The following GRIK4 variants were observed in gnomAD, a reference collection of about 807,000 sequenced individuals.
GRIK4 encodes the protein glutamate ionotropic receptor kainate type subunit 4, also known as glutamate receptor ionotropic, kainate 4.
GRIK4 carries 40 observed loss-of-function variants against 104.9 expected under a neutral mutation model. The ratio of observed to expected loss-of-function variants is 0.38; its 90% confidence interval spans 0.30 to 0.50. The LOEUF is 0.50. Among genes scored for constraint, GRIK4 ranks in the 20% least tolerant of loss-of-function variants. The pLI is 0.93. For synonymous variants in GRIK4, 485 were observed against 524.9 expected (o/e 0.92, Z 1.04); for missense variants, 1,047 against 1,308.1 (o/e 0.80, Z 3.08).
At chr11:120,648,764 G>C (rs936292829) in intron 1 of GRIK4, among the ~76,000 whole-genome samples, 4 of 152,190 alleles carry the variant, frequency 2.6e-5, no homozygotes, top group Admixed American at 2.6e-4. Context: ...AGAGAGTCAG[G>C]ATTCTTTATT....
chr11:120,923,404 ATTT>A (rs775194642), intron 13 of GRIK4, among the ~76,000 whole-genome samples: 48 of 81,642 alleles, frequency 5.9e-4, no homozygotes, highest in African/African-American at 1.2e-3. Flanking sequence ...CCATTTGCTC[ATTT>A]TTTTTTTTTT....
intron 1 of GRIK4, among the ~76,000 whole-genome samples, chr11:120,633,252 C>T (rs1240711312): frequency 2.0e-5 from 3 of 152,148 alleles, no homozygotes; most frequent in Non-Finnish European, 4.4e-5. Context: ...ATTTAAAGTA[C>T]TTAAATGGCC....
Position 120,572,194 on chromosome 11 carries a change from CCTT to C in GRIK4, c.-159+60311_-159+60313del, listed in dbSNP as rs1349385121. ...GTGTCTCTTTGAGAGGCACGAGTCT[CCTT>C]CTTGAGGGCTCCACCCTCCTGATCT... On this transcript the variant is annotated intron_variant, in intron 1 of 20. Coordinates refer to ENST00000527524, the MANE Select transcript of GRIK4 (RefSeq NM_014619.5). Among the ~76,000 whole-genome samples, 13 of 152,224 alleles carry C rather than the reference CCTT, an allele frequency of 8.5e-5. No individual in the cohort carries two copies. In the East Asian group the frequency reaches 2.5e-3, roughly 29 times the overall value.
intron 6 of GRIK4, among the ~76,000 whole-genome samples, chr11:120,824,243 AAG>A (rs1233571723): frequency 2.0e-5 from 3 of 152,314 alleles, no homozygotes; most frequent in African/African-American, 4.8e-5. Context: ...ATGGGAAAAA[AAG>A]AACATTTGCA....
chr11:120,864,991 G>A (rs990380830), intron 9 of GRIK4, among the ~76,000 whole-genome samples: 1 of 152,196 alleles, frequency 6.6e-6, no homozygotes, highest in African/African-American at 2.4e-5. Flanking sequence ...AATTATACCT[G>A]ACCATCTTAG....
chr11:120,796,457 C>G (rs1591925398), intron 3 of GRIK4, among the ~76,000 whole-genome samples: 2 of 152,196 alleles, frequency 1.3e-5, no homozygotes, highest in Non-Finnish European at 2.9e-5. Flanking sequence ...GATAAATACC[C>G]CTCCAAGGCA....
intron 8 of GRIK4, among the ~76,000 whole-genome samples, chr11:120,841,896 G>C (rs2135583023): frequency 6.6e-6 from 1 of 152,284 alleles, no homozygotes; most frequent in South Asian, 2.1e-4. Flanking sequence ...CTGAAGTTGA[G>C]AGTCCTGGTG....
intron 1 of GRIK4, among the ~76,000 whole-genome samples, chr11:120,520,461 G>A (rs1355588872): frequency 6.6e-6 from 1 of 152,220 alleles, no homozygotes; most frequent in African/African-American, 2.4e-5. Context: ...TTTCCACCAT[G>A]GAGGCCATCC....
intron 19 of GRIK4, among the ~76,000 whole-genome samples, chr11:120,979,476 C>G (rs477389): frequency 0.24 from 36,101 of 152,038 alleles, 4,532 homozygotes; most frequent in African/African-American, 0.31. Context: ...TGTGAGATGG[C>G]TCCTCCAAAT....
chr11:120,938,250 A>G (rs959463585), intron 13 of GRIK4, among the ~76,000 whole-genome samples: 9 of 152,162 alleles, frequency 5.9e-5, no homozygotes, highest in Non-Finnish European at 8.8e-5. Flanking sequence ...GAGTCCCCCA[A>G]ATGAAGGCAC....
intron 13 of GRIK4, among the ~76,000 whole-genome samples, chr11:120,927,580 AAAAAAAAAAG>A (rs1943378174): frequency 6.6e-6 from 1 of 150,854 alleles, no homozygotes; most frequent in African/African-American, 2.4e-5. Flanking sequence ...AAAAAAAAAA[AAAAAAAAAAG>A]AAAGAAAGAA....
chr11:120,557,397 C>T (rs10160371), intron 1 of GRIK4, among the ~76,000 whole-genome samples: 2,689 of 152,348 alleles, frequency 0.018, 75 homozygotes, highest in African/African-American at 0.06. Context: ...TCCTGTCCAC[C>T]GCAGCCTCTT....
chr11:120,702,907 C>T (rs1038289328), intron 3 of GRIK4, among the ~76,000 whole-genome samples: 2 of 152,218 alleles, frequency 1.3e-5, no homozygotes, highest in African/African-American at 2.4e-5. Flanking sequence ...AAGTTACCAG[C>T]ACACTTTTAA....
chr11:120,532,582 G>A lies in GRIK4; in HGVS notation c.-159+20695G>A, dbSNP rs11217905. Among the ~76,000 whole-genome samples the A allele has an allele frequency of 5.9e-3, 903 of 152,222 alleles. 3 individuals are homozygous for A. Among genetic ancestry groups the A allele is most frequent in the Non-Finnish European group, 9.5e-3 (644 of 68,004 alleles). On this transcript the variant is annotated intron_variant, in intron 1 of 20. Transcript: ENST00000527524. ...GCTGCTTAAATAGTTTGCTCGCTTT[G>A]CCTTGTTTTTCTTGCTCTAGTGTGG...
intron 3 of GRIK4, among the ~76,000 whole-genome samples, chr11:120,747,928 G>A (rs1004927177): frequency 1.1e-4 from 17 of 152,152 alleles, no homozygotes; most frequent in Admixed American, 1.1e-3. Context: ...TCAGGGTGAG[G>A]GCCGTGATGA....
At chr11:120,559,560 A>G (rs1271092956) in intron 1 of GRIK4, among the ~76,000 whole-genome samples, 1 of 152,232 alleles carries the variant, frequency 6.6e-6, no homozygotes, top group Non-Finnish European at 1.5e-5. Context: ...ATCCAAATGG[A>G]TATAAGAAAA....
rs1034975695 is a variant in GRIK4 at position 120,513,303 on chromosome 11, G to A, written c.-159+1416G>A. On this transcript the variant is annotated intron_variant, in intron 1 of 20. Transcript: ENST00000527524. This position sits in a 1 kb window ranked among gnomAD's most constrained non-coding sequence, Gnocchi z 4.5. Reference sequence around the variant, plus strand: ...ACTTCTAGGAGCACCGGGAAACTGCGGGCGTGGTATCTCCGGGGAGAGAGG... The same window carrying A: ...ACTTCTAGGAGCACCGGGAAACTGCAGGCGTGGTATCTCCGGGGAGAGAGG... Among the ~76,000 whole-genome samples the A allele has an allele frequency of 3.9e-5, 6 of 152,162 alleles. No individual in the cohort carries two copies. Among genetic ancestry groups the A allele is most frequent in the South Asian group, 2.1e-4 (1 of 4,828 alleles).
At chr11:120,954,026 AT>A (rs2134697294) in intron 15 of GRIK4, among the ~76,000 whole-genome samples, 1 of 152,112 alleles carries the variant, frequency 6.6e-6, no homozygotes, top group South Asian at 2.1e-4. Flanking sequence ...TGCACATCCC[AT>A]CTCTGTGGGG....
chr11:120,868,851 C>T (rs1295745165), intron 9 of GRIK4: 1 of 152,222 alleles, frequency 6.6e-6, no homozygotes, highest in African/African-American at 2.4e-5. Flanking sequence ...TCCCAAAGTG[C>T]TGAGATTATT....
Sources: gnomAD v4.1 joint callset for allele counts (sites outside exome capture counted in the v4.1 genomes callset) on GRCh38, gnomAD v4.1.1 for gene constraint, Gnocchi (gnomAD v3.1) non-coding constraint, MANE v1.5 for transcripts, NCBI Gene and HGNC (gene_info 2026-07-23, HGNC 2026-07-21) for gene names.